The following PSME4 variants were observed in gnomAD, a reference collection of about 807,000 sequenced individuals.
The protein encoded by PSME4 is proteasome activator complex subunit 4.
A neutral mutation model predicts 253.9 loss-of-function variants in PSME4; 89 were observed. That is an observed-to-expected ratio of 0.35 (90% CI 0.30 to 0.42). The LOEUF (loss-of-function observed/expected upper bound fraction) is 0.42. Ranked by LOEUF, PSME4 falls within the 10% of genes least tolerant of loss-of-function variation. The pLI, the probability that PSME4 is intolerant of heterozygous loss-of-function variation, is 1.00. For missense variants in PSME4, 2,014 were observed against 2,195.2 expected (o/e 0.92, Z 1.65); for synonymous variants, 851 against 759.2 (o/e 1.12, Z -1.99).
chr2:53,874,410 G>C lies in PSME4; in HGVS notation c.5029C>G (p.Leu1677Val), dbSNP rs1440542245. ...TMVFYNLFIF[L>V]NNEDAVKDIR... ...TCTTTAACTGCATCTTCATTGTTTAGGAAAATAAAGAGGTTATAAAATACC... is the reference window on the plus strand; with the variant it reads ...TCTTTAACTGCATCTTCATTGTTTACGAAAATAAAGAGGTTATAAAATACC... The change falls in exon 43 of 47, where the codon CTA becomes GTA. Residue 1677 changes from leucine (L) to valine (V), a missense_variant. By Grantham distance (32) the Leu-to-Val change is conservative. Around this residue, in one of 4 missense-constraint regions of PSME4, gnomAD observed 403 missense variants for 556.1 expected, o/e 0.72. Coordinates refer to ENST00000404125, the MANE Select transcript of PSME4 (RefSeq NM_014614.3). 1.9e-6 allele frequency: 3 copies of C among 1,613,822 alleles called. No individual in the cohort carries two copies. Among genetic ancestry groups the C allele is most frequent in the Non-Finnish European group, 1.7e-6 (2 of 1,179,766 alleles).
intron 3 of PSME4, among the ~76,000 whole-genome samples, chr2:53,945,277 AC>A (rs1440540805): frequency 1.3e-5 from 2 of 152,134 alleles, no homozygotes; most frequent in Non-Finnish European, 2.9e-5. Flanking sequence ...ATAAAATAAA[AC>A]CATGTCCATA....
rs751744077 is a variant in PSME4 at position 53,928,191 on chromosome 2, C to A, written c.1429G>T (p.Gly477Cys). The A allele has an allele frequency of 6.2e-7, 1 of 1,614,090 alleles. No individual in the cohort carries two copies. The highest frequency in any genetic ancestry group is 8.5e-7 in the Non-Finnish European group (1 of 1,180,004). The change falls in exon 11 of 47, where the codon GGT (glycine) becomes TGT (cysteine). Residue 477 changes from glycine (G) to cysteine (C), a missense_variant. Coordinates refer to ENST00000404125, the MANE Select transcript of PSME4 (RefSeq NM_014614.3). ...LVSGGRWFPE[G>C]PTHMLPLLMR... The stretch of plus-strand genomic sequence containing the variant: ...AACAGAGGTAGCATATGTGTAGGAC[C>A]TTCAGGAAACCATCTGCCTCCTGAT...
chr2:53,911,169 A>T lies in PSME4; in HGVS notation c.2517-1039T>A, dbSNP rs529113770. On this transcript the variant is annotated intron_variant, in intron 20 of 46. Coordinates refer to ENST00000404125, the MANE Select transcript of PSME4 (RefSeq NM_014614.3). ...AAAACATATTTCTAAAATGTCAGTT[A>T]TTTAACTATGTTTCTCACCATAACC... is the stretch of plus-strand genomic sequence containing the variant. 9.8e-5 allele frequency among the ~76,000 whole-genome samples: 15 copies of T among 152,320 alleles called. 1 individual carries two copies. In the South Asian group the frequency reaches 3.1e-3, roughly 32 times the overall value.
Position 53,922,973 on chromosome 2 carries a change from CA to C in PSME4, c.1978+75del. The C allele has an allele frequency of 3.5e-6, 4 of 1,151,632 alleles. No homozygotes were observed. The East Asian group carries it at 1.0e-4, about 30-fold the overall frequency. The allele number at this position is 1,151,632 out of a possible 1,614,324, so 71.3% of individuals were successfully genotyped here. A position where few individuals can be genotyped will look rare whatever the true frequency, so the allele number is the denominator to read the frequency against. ...TTGTGAAGCTAAAGGAATCTGTTGT[CA>C]TTAACAGAGTTTTAGAAACCAAGAA... On this transcript the variant is annotated intron_variant, in intron 16 of 46. Coordinates refer to ENST00000404125, the MANE Select transcript of PSME4 (RefSeq NM_014614.3).
rs756350141 is a variant in PSME4, at chr2:53,923,089, A to T, written c.1938T>A (p.Phe646Leu). 1.9e-6 allele frequency: 3 copies of T among 1,608,506 alleles called. No individual in the cohort carries two copies. The South Asian group carries it at 3.3e-5, about 18-fold the overall frequency. ...TTATAACACTGCAGCAGTGGGGAAC[A>T]AAGAGCTTCAAAGATTCTTCTGGGC... ...KCCPEESLKL[F>L]VPHCCSVITQ... Residue 646 changes from phenylalanine (F) to leucine (L), a missense_variant, in exon 16 of 47, where the codon TTT becomes TTA. Physicochemically the swap from Phe to Leu is conservative, Grantham distance 22. Coordinates refer to ENST00000404125, the MANE Select transcript of PSME4 (RefSeq NM_014614.3).
At chr2:53,914,402 T>C (rs896085830) in intron 20 of PSME4, among the ~76,000 whole-genome samples, 1 of 152,202 alleles carries the variant, frequency 6.6e-6, no homozygotes, top group African/African-American at 2.4e-5. Flanking sequence ...TAAAACATTA[T>C]CTAAAGGTTC....
chr2:53,942,495 G>C (rs938150177), intron 3 of PSME4, among the ~76,000 whole-genome samples: 1 of 151,828 alleles, frequency 6.6e-6, no homozygotes. Context: ...GCATATAATG[G>C]TTTACAGTTT....
At chr2:53,885,649 G>GT in intron 41 of PSME4, 41 bp downstream of exon 41, 1 of 1,422,644 alleles carries the variant, frequency 7.0e-7, no homozygotes, top group Non-Finnish European at 9.9e-7. Flanking sequence ...TCCTTATGAA[G>GT]GTCAAAAGGA....
intron 12 of PSME4, among the ~76,000 whole-genome samples, chr2:53,926,364 A>G (rs1352867654): frequency 6.6e-6 from 1 of 152,104 alleles, no homozygotes; most frequent in Non-Finnish European, 1.5e-5. Flanking sequence ...TATAAACAAT[A>G]ACATGCTCGC....
chr2:53,896,520 AAATT>A (rs1680145753), intron 32 of PSME4, among the ~76,000 whole-genome samples: 1 of 152,218 alleles, frequency 6.6e-6, no homozygotes. Context: ...AACATTTAAC[AAATT>A]AATAACAGCA....
intron 20 of PSME4, among the ~76,000 whole-genome samples, chr2:53,915,267 C>T (rs72799259): frequency 0.075 from 11,465 of 152,174 alleles, 621 homozygotes; most frequent in East Asian, 0.26. Context: ...AAAGCGAAAT[C>T]CTATCTCCAC....
chr2:53,889,274 T>C (rs1285460359), intron 37 of PSME4, among the ~76,000 whole-genome samples: 4 of 152,210 alleles, frequency 2.6e-5, no homozygotes, highest in African/African-American at 9.7e-5. Flanking sequence ...TCCACAGATG[T>C]TCAAGTCTGT....
At chr2:53,920,167 A>G in intron 19 of PSME4, 26 bp downstream of exon 19, 1 of 1,566,590 alleles carries the variant, frequency 6.4e-7, no homozygotes, top group Admixed American at 1.9e-5. Context: ...GCAACTGAAT[A>G]ACTCTAATTA....
intron 22 of PSME4, 98 bp from the exon 23 acceptor site, chr2:53,908,663 C>A: frequency 2.7e-6 from 4 of 1,454,628 alleles, no homozygotes; most frequent in African/African-American, 1.4e-5. Flanking sequence ...AAAAAAATCA[C>A]TGCCCAATAT....
At chr2:53,937,937 G>A (rs572004946) in intron 4 of PSME4, among the ~76,000 whole-genome samples, 1 of 151,350 alleles carries the variant, frequency 6.6e-6, no homozygotes, top group South Asian at 2.1e-4. Context: ...AGGTTGCAGT[G>A]AGCCAAGACT....
rs751700348 is a variant in PSME4, at chr2:53,920,244, G to A, written c.2369C>T (p.Pro790Leu). ...AFYLLDSFLQ[P>L]ELVKLQHCGD... is the part of the protein sequence containing the mutation. The stretch of plus-strand genomic sequence containing the variant: ...ACAATGCTGGAGTTTGACGAGCTCA[G>A]GCTGAAGAAAGGAGTCCAAAAGATA... The change falls in exon 19 of 47, where the codon CCT (proline) becomes CTT (leucine). Residue 790 changes from proline (P) to leucine (L), a missense_variant. Coordinates refer to ENST00000404125, the MANE Select transcript of PSME4 (RefSeq NM_014614.3). The A allele has an allele frequency of 1.9e-6, 3 of 1,613,592 alleles. No individual in the cohort carries two copies. Among genetic ancestry groups the A allele is most frequent in the Admixed American group, 3.3e-5 (2 of 60,002 alleles).
rs1441184586 is a variant in PSME4 at position 53,937,422 on chromosome 2, G to A, written c.664C>T (p.Leu222Phe). The A allele has an allele frequency of 1.2e-6, 2 of 1,607,744 alleles. No homozygotes were observed. The highest frequency in any genetic ancestry group is 2.2e-5 in the East Asian group (1 of 44,738). The stretch of plus-strand genomic sequence containing the variant: ...CCTTTATGATGAAGTTCTGGAGGAA[G>A]GGAGGTAGGAAGAAATATTTCAAAA... ...TYFEIFLPTS[L>F]PPELHHKGFK... The change falls in exon 5 of 47, where the codon CTT becomes TTT. Residue 222 changes from leucine (L) to phenylalanine (F), a missense_variant. Leu to Phe is a conservative substitution (Grantham distance 22, BLOSUM62 0). Transcript: ENST00000404125.
In PSME4 at chr2:53,927,409, T is replaced by G. The variant is rs1668605039; in HGVS notation, c.1578A>C (p.Arg526Ser). The change falls in exon 12 of 47, where the codon AGA becomes AGC. Residue 526 changes from arginine to serine, a missense_variant. By Grantham distance (110) the Arg-to-Ser change is moderately radical. This residue lies in a region of PSME4 where 989 missense variants were observed against 1,021.1 expected (regional missense o/e 0.97). Transcript: ENST00000404125. The part of the protein sequence containing the change: ...LVDCSSVLQE[R>S]NDLTEVEREL... ...ATACCCTTACTTCTGTGAGGTCATT[T>G]CTTTCTTGTAGTACAGATGAACAAT... The G allele has an allele frequency of 9.5e-6, 15 of 1,576,588 alleles. No homozygotes were observed. Among genetic ancestry groups the G allele is most frequent in the Admixed American group, 1.7e-5 (1 of 59,978 alleles).
intron 1 of PSME4, 124 bp downstream of exon 1, chr2:53,970,419 C>G: frequency 2.0e-6 from 3 of 1,477,590 alleles, no homozygotes; most frequent in Non-Finnish European, 2.7e-6. Flanking sequence ...GGGATCACCG[C>G]TCGGGGACAG....
Sources: gnomAD v4.1 joint callset for allele counts (sites outside exome capture counted in the v4.1 genomes callset) on GRCh38, gnomAD v4.1.1 for gene constraint, gnomAD v4.1.1 regional missense constraint, MANE v1.5 for transcripts, NCBI Gene and HGNC (gene_info 2026-07-23, HGNC 2026-07-21) for gene names.